The following TTC7A variants were observed in gnomAD, a reference collection of about 807,000 sequenced individuals.
The protein encoded by TTC7A is tetratricopeptide repeat domain 7A.
A neutral mutation model predicts 103.7 loss-of-function variants in TTC7A; 110 were observed. The ratio of observed to expected loss-of-function variants is 1.06; its 90% CI spans 0.91 to 1.24. The LOEUF is 1.24. TTC7A is among the 50% of genes most tolerant of loss of function. The pLI, the probability that TTC7A is intolerant of heterozygous loss-of-function variation, is 0.00. For missense variants in TTC7A, 1,340 were observed against 1,116.3 expected, an observed-to-expected ratio of 1.20 and a Z score of -2.86; for synonymous variants, 521 against 467.9, an observed-to-expected ratio of 1.11 and a Z score of -1.47.
intron 18 of TTC7A, among the ~76,000 whole-genome samples, chr2:47,057,540 C>T (rs1037794917): frequency 1.3e-5 from 2 of 152,182 alleles, no homozygotes; most frequent in Non-Finnish European, 2.9e-5. Context: ...CTGGAGACAG[C>T]GCAGCAAGTT....
At position 47,040,842 on chromosome 2, in the gene TTC7A, A is replaced by G. The variant is rs532063250; in HGVS notation, c.1803-5473A>G. Among the ~76,000 whole-genome samples, 11 of 152,226 alleles carry G rather than the reference A, an allele frequency of 7.2e-5. No individual in the cohort carries two copies. In the East Asian group the frequency reaches 2.1e-3, roughly 29 times the overall value. ...GACATGCCCAGCTGGGTGACCACAG[A>G]GCTTGGACTTTGGCTTGGGTTTCTA... is the stretch of plus-strand genomic sequence containing the variant. On this transcript the variant is annotated intron_variant, in intron 15 of 19. Transcript: ENST00000319190.
chr2:47,014,491 C>T (rs1678424387), intron 11 of TTC7A, among the ~76,000 whole-genome samples: 2 of 152,200 alleles, frequency 1.3e-5, no homozygotes, highest in African/African-American at 4.8e-5. Context: ...TGGAAACTGG[C>T]CCCATCCTTC....
chr2:46,929,181 C>T (rs937277427), intron 2 of TTC7A, among the ~76,000 whole-genome samples: 3 of 151,768 alleles, frequency 2.0e-5, no homozygotes, highest in Non-Finnish European at 4.4e-5. Context: ...GAAAACAAAA[C>T]AAAACAAAAA....
chr2:47,020,979 A>G (rs757011686), intron 11 of TTC7A, among the ~76,000 whole-genome samples: 2 of 152,166 alleles, frequency 1.3e-5, no homozygotes, highest in Non-Finnish European at 2.9e-5. Flanking sequence ...AGAAATGCCC[A>G]TGGCTTGGGG....
chr2:46,993,334 T>C (rs1001202717), intron 5 of TTC7A, 116 bp from the exon 6 acceptor site: 2 of 918,660 alleles, frequency 2.2e-6, no homozygotes, highest in African/African-American at 1.6e-5. Context: ...AGTTATCGAA[T>C]GTGTTCAAAT....
chr2:46,941,423 C>G lies in TTC7A; in HGVS notation c.-119C>G. On this transcript the variant is annotated 5_prime_UTR_variant, in exon 1 of 20. Transcript: ENST00000319190. This position sits in a 1 kb window ranked among gnomAD's most constrained non-coding sequence, Gnocchi z 4.2. The stretch of plus-strand genomic sequence containing the variant: ...GCCCGGGCCCCCGCTGCCGCCCGGG[C>G]CCCGGCTGCCGTCTGCGCCCCCGTC... 1 of 1,098,248 alleles carries G rather than the reference C, an allele frequency of 9.1e-7. No individual in the cohort carries two copies. Among genetic ancestry groups the G allele is most frequent in the Non-Finnish European group, 1.2e-6 (1 of 866,944 alleles). 68.0% of individuals were successfully genotyped at this position (1,098,248 alleles called of 1,614,324 possible). A position where few individuals can be genotyped will look rare whatever the true frequency, so the allele number is the denominator to read the frequency against.
chr2:46,987,285 C>T (rs1675113153), intron 5 of TTC7A, among the ~76,000 whole-genome samples: 1 of 152,138 alleles, frequency 6.6e-6, no homozygotes, highest in African/African-American at 2.4e-5. Context: ...GGGAGGCGGG[C>T]AATGGCTGCT....
chr2:46,979,272 CT>C (rs1674196253), intron 5 of TTC7A, among the ~76,000 whole-genome samples: 1 of 152,140 alleles, frequency 6.6e-6, no homozygotes, highest in African/African-American at 2.4e-5. Flanking sequence ...CTACTGTTGT[CT>C]GCAGTGTGAA....
chr2:47,011,438 G>T lies in TTC7A; in HGVS notation c.1392+3G>T. ...TCTGCATCGGGTCCCTTCGCTGGGT[G>T]AGTGAGCTGTGAGGGCAGGTCCCAG... On this transcript the variant is annotated splice_donor_region_variant and intron_variant, in intron 11 of 19. Coordinates refer to ENST00000319190, the MANE Select transcript of TTC7A (RefSeq NM_020458.4). 1 of 1,603,018 alleles carries T rather than the reference G, an allele frequency of 6.2e-7. No individual in the cohort carries two copies. Among genetic ancestry groups the T allele is most frequent in the Middle Eastern group, 1.7e-4 (1 of 5,916 alleles).
chr2:46,919,054 T>C (rs1668963557), intron 2 of TTC7A, among the ~76,000 whole-genome samples: 1 of 152,200 alleles, frequency 6.6e-6, no homozygotes, highest in South Asian at 2.1e-4. Flanking sequence ...AGGTGGCATC[T>C]CTTTCCTCAG....
At position 46,978,842 on chromosome 2, in the gene TTC7A, C is replaced by G; in HGVS notation, c.699C>G (p.Asp233Glu). The change falls in exon 5 of 20, where the codon GAC (aspartate) becomes GAG (glutamate). Residue 233 changes from aspartate to glutamate, a missense_variant. Physicochemically the swap from Asp to Glu is conservative, Grantham distance 45. Transcript: ENST00000319190. ...ATCTGAAAGGCTGTCACCCGCTTGA[C>G]TATGAGCTCACCTACTTCCTGGAAG... is the stretch of plus-strand genomic sequence containing the variant. ...SRHLKGCHPL[D>E]YELTYFLEAA... 6.2e-7 allele frequency: 1 copy of G among 1,614,136 alleles called. No homozygotes were observed. Among genetic ancestry groups the G allele is most frequent in the East Asian group, 2.2e-5 (1 of 44,874 alleles).
At chr2:47,061,133 A>G (rs1298982345) in intron 19 of TTC7A, among the ~76,000 whole-genome samples, 162 bp downstream of exon 19, 2 of 152,158 alleles carry the variant, frequency 1.3e-5, no homozygotes, top group African/African-American at 4.8e-5. Flanking sequence ...CTCTGTTGGA[A>G]GAGACAGTTC....
chr2:47,014,246 A>C (rs767723389), intron 11 of TTC7A, among the ~76,000 whole-genome samples: 34 of 152,160 alleles, frequency 2.2e-4, no homozygotes, highest in Non-Finnish European at 4.6e-4. Context: ...GGAAGCCTAC[A>C]TATAGTAGGT....
In TTC7A at chr2:46,922,621, G is replaced by A. The variant is rs142787482; in HGVS notation, c.82+5344G>A. On this transcript the variant is annotated intron_variant, in intron 2 of 20. Transcript: ENST00000409245. ...TGCATCTCTGCAAATTTTGTTTCTG[G>A]TTCATATGTACTTCAATCCCTGAAG... Among the ~76,000 whole-genome samples the A allele has an allele frequency of 2.0e-3, 303 of 152,060 alleles. 2 individuals are homozygous for A. Among genetic ancestry groups the A allele is most frequent in the South Asian group, 8.7e-3 (42 of 4,816 alleles).
intron 5 of TTC7A, among the ~76,000 whole-genome samples, chr2:46,991,420 G>T (rs1191864945): frequency 6.6e-6 from 1 of 152,014 alleles, no homozygotes; most frequent in South Asian, 2.1e-4. Flanking sequence ...GATCACTTTA[G>T]TCCAGGAGTT....
chr2:47,008,582 G>C (rs1397692705), intron 10 of TTC7A, among the ~76,000 whole-genome samples: 1 of 152,200 alleles, frequency 6.6e-6, no homozygotes, highest in Non-Finnish European at 1.5e-5. Context: ...TCATGGGCTG[G>C]AGACACTGTG....
intron 15 of TTC7A, among the ~76,000 whole-genome samples, chr2:47,032,967 C>G (rs1407885989): frequency 1.3e-5 from 2 of 150,886 alleles, no homozygotes; most frequent in African/African-American, 4.9e-5. Flanking sequence ...TACCGCCAGA[C>G]TATGGTGAGT....
chr2:47,068,259 G>A (rs1259251657), intron 19 of TTC7A: 1 of 152,192 alleles, frequency 6.6e-6, no homozygotes, highest in East Asian at 1.9e-4. Context: ...GACACTGGGT[G>A]GGGCTCAGTG....
chr2:47,024,504 C>T (rs902280567), intron 14 of TTC7A, 145 bp downstream of exon 14: 3 of 699,716 alleles, frequency 4.3e-6, no homozygotes, highest in Non-Finnish European at 4.6e-6. Flanking sequence ...GTCCTTTGAG[C>T]CCTCATCAGA....
Sources: allele counts gnomAD v4.1 joint callset (sites outside exome capture counted in the v4.1 genomes callset), GRCh38; gene constraint gnomAD v4.1.1; non-coding constraint Gnocchi (gnomAD v3.1); transcripts MANE v1.5; gene names NCBI Gene and HGNC (gene_info 2026-07-23, HGNC 2026-07-21).